Variants in WDPCP observed in about 807,000 individuals in gnomAD.
WDPCP encodes the protein WD repeat-containing and planar cell polarity effector protein fritz homolog.
WDPCP carries 71 observed loss-of-function variants against 93.1 expected under a neutral mutation model. That is an observed-to-expected ratio of 0.76 (90% CI 0.63 to 0.93). The LOEUF (loss-of-function observed/expected upper bound fraction) is 0.93, where lower values mean the gene tolerates loss of function less well. Ranked by LOEUF, WDPCP falls within the 40% of genes least tolerant of loss-of-function variation. The pLI is 0.00. For synonymous variants in WDPCP, 315 were observed against 315.0 expected, an observed-to-expected ratio of 1.00 and a Z score of 0.00; for missense variants, 844 against 887.4, an observed-to-expected ratio of 0.95 and a Z score of 0.62.
In WDPCP at chr2:63,174,717, G is replaced by C. The variant is rs753121252; in HGVS notation, c.2031C>G (p.Thr677=). The change falls in exon 15 of 18, where the codon ACC becomes ACG. Residue 677 remains threonine, a synonymous_variant. Coordinates refer to ENST00000272321, the MANE Select transcript of WDPCP (RefSeq NM_015910.7). ...TTCTTTGTTGTAAAATATGTCTGTG[G>C]GTTGGGCAAGAGGGAGGGAGGTTAT... ...FPDNLPPSCP[T]HRHILQQRIL... 1.2e-6 allele frequency: 2 copies of C among 1,613,836 alleles called. No homozygotes were observed. Among genetic ancestry groups the C allele is most frequent in the East Asian group, 4.5e-5 (2 of 44,874 alleles).
chr2:63,232,184 G>A (rs1678963276), intron 14 of WDPCP, among the ~76,000 whole-genome samples: 2 of 152,178 alleles, frequency 1.3e-5, no homozygotes, highest in Non-Finnish European at 2.9e-5. Flanking sequence ...ATTAATTCAA[G>A]ATGGATTAAA....
At chr2:63,467,115 T>C (rs1699388659) in intron 6 of WDPCP, among the ~76,000 whole-genome samples, 1 of 152,318 alleles carries the variant, frequency 6.6e-6, no homozygotes, top group African/African-American at 2.4e-5. Context: ...TCAATTATCA[T>C]AGGTCATTGA....
chr2:63,455,626 G>T (rs988670609), intron 6 of WDPCP, among the ~76,000 whole-genome samples: 6 of 152,022 alleles, frequency 3.9e-5, no homozygotes, highest in African/African-American at 1.4e-4. Context: ...CGAGCAAGAG[G>T]ATATAACAAT....
chr2:63,339,495 G>A (rs1553354835), intron 12 of WDPCP, among the ~76,000 whole-genome samples: 1 of 151,984 alleles, frequency 6.6e-6, no homozygotes, highest in Non-Finnish European at 1.5e-5. Flanking sequence ...TAGATTGTTT[G>A]CTGTTGGTAT....
intron 2 of WDPCP, chr2:63,752,610 G>C (rs898550561): frequency 2.5e-5 from 14 of 551,366 alleles, no homozygotes; most frequent in African/African-American, 2.3e-4. Context: ...GGCTCTTTAG[G>C]ATACTGATTT....
intron 14 of WDPCP, chr2:63,228,559 T>C (rs543172824): frequency 6.6e-6 from 1 of 151,988 alleles, no homozygotes; most frequent in Non-Finnish European, 1.5e-5. Context: ...ATTAGGTATA[T>C]CTCCTAATGC....
At chr2:63,522,561 C>G (rs1384800599) in intron 1 of WDPCP, among the ~76,000 whole-genome samples, 1 of 150,268 alleles carries the variant, frequency 6.7e-6, no homozygotes, top group South Asian at 2.1e-4. Context: ...ATAGATAGAC[C>G]ACTAGCTAGA....
intron 2 of WDPCP, among the ~76,000 whole-genome samples, chr2:63,781,676 A>C (rs1189642459): frequency 1.3e-5 from 2 of 152,172 alleles, no homozygotes; most frequent in Non-Finnish European, 2.9e-5. Flanking sequence ...CAACAGAAGC[A>C]GGTATAAGAT....
intron 12 of WDPCP, among the ~76,000 whole-genome samples, chr2:63,364,627 T>C (rs1371404487): frequency 6.6e-6 from 1 of 152,200 alleles, no homozygotes; most frequent in Non-Finnish European, 1.5e-5. Context: ...CCTAGGTTGG[T>C]CCATGTCTGT....
In WDPCP at chr2:63,339,926, CT is replaced by C. The variant is rs971232169; in HGVS notation, c.1749-26616del. Among the ~76,000 whole-genome samples, 66 of 151,744 alleles carry C rather than the reference CT, an allele frequency of 4.3e-4. 1 individual carries two copies. The East Asian group carries it at 0.012, about 28-fold the overall frequency. ...AAGGTATATTGAATTTTATCAAATGCTTTTTTTTGCCATCTATTGAAATAAT... is the reference window on the plus strand; with the variant it reads ...AAGGTATATTGAATTTTATCAAATGCTTTTTTTGCCATCTATTGAAATAAT... On this transcript the variant is annotated intron_variant, in intron 12 of 17. Transcript: ENST00000272321.
At chr2:63,835,240 A>G in the WDPCP span, among the ~76,000 whole-genome samples, 2 of 151,802 alleles carry the variant, frequency 1.3e-5, no homozygotes, top group African/African-American at 4.8e-5. Flanking sequence ...AAATACAAAA[A>G]TTAGCCAGGT....
At chr2:63,216,085 A>G (rs1574899412) in intron 14 of WDPCP, among the ~76,000 whole-genome samples, 1 of 152,224 alleles carries the variant, frequency 6.6e-6, no homozygotes, top group Non-Finnish European at 1.5e-5. Context: ...GTGGAGAAAT[A>G]GGAACACTTT....
chr2:63,233,379 C>T, intron 14 of WDPCP: 2 of 262,116 alleles, frequency 7.6e-6, no homozygotes, highest in Non-Finnish European at 1.5e-5. Context: ...CATAAATCCA[C>T]AGAGTCTACA....
intron 14 of WDPCP, among the ~76,000 whole-genome samples, chr2:63,230,697 G>A (rs1000100154): frequency 7.9e-5 from 12 of 152,154 alleles, no homozygotes; most frequent in Non-Finnish European, 1.3e-4. Context: ...GTGATGATGA[G>A]CATTTTTTCA....
intron 2 of WDPCP, among the ~76,000 whole-genome samples, chr2:63,686,149 A>AAG (rs2103650882): frequency 6.6e-6 from 1 of 152,356 alleles, no homozygotes; most frequent in African/African-American, 2.4e-5. Flanking sequence ...AAGTGGAAGG[A>AAG]AGAAGTCAAG....
At chr2:63,291,827 GAAAAGA>G (rs1427320739) in intron 13 of WDPCP, among the ~76,000 whole-genome samples, 4 of 147,404 alleles carry the variant, frequency 2.7e-5, no homozygotes, top group Admixed American at 6.8e-5. Flanking sequence ...AAAAAGAAAA[GAAAAGA>G]AAAAGAAAAA....
intron 13 of WDPCP, among the ~76,000 whole-genome samples, chr2:63,270,057 A>C (rs1468392034): frequency 6.6e-6 from 1 of 152,226 alleles, no homozygotes; most frequent in Non-Finnish European, 1.5e-5. Flanking sequence ...AGGAGAATGA[A>C]TGTAACTTTC....
At chr2:63,396,658 C>CT (rs756383008) in intron 10 of WDPCP, among the ~76,000 whole-genome samples, 10 of 150,874 alleles carry the variant, frequency 6.6e-5, no homozygotes, top group South Asian at 6.3e-4. Flanking sequence ...AAGTATTTCT[C>CT]TTTTTTTTTA....
chr2:63,535,696 T>C (rs967847891), intron 1 of WDPCP, among the ~76,000 whole-genome samples: 17 of 152,166 alleles, frequency 1.1e-4, no homozygotes, highest in Non-Finnish European at 2.5e-4. Flanking sequence ...CCTTACACTT[T>C]ATACAAAAAT....
Sources: gnomAD v4.1 joint callset for allele counts (sites outside exome capture counted in the v4.1 genomes callset) on GRCh38, gnomAD v4.1.1 for gene constraint, MANE v1.5 for transcripts, NCBI Gene and HGNC (gene_info 2026-07-23, HGNC 2026-07-21) for gene names.